The following GUCY2C variants were observed in gnomAD, a reference collection of about 807,000 sequenced individuals.
GUCY2C encodes the protein guanylate cyclase 2C, also known as guanylyl cyclase C.
A neutral mutation model predicts 131.1 loss-of-function variants in GUCY2C; 118 were observed. The observed-to-expected ratio is 0.90, with a 90% CI of 0.78 to 1.05. The LOEUF (loss-of-function observed/expected upper bound fraction) is 1.05. GUCY2C is among the 50% of genes least tolerant of loss of function. GUCY2C has a pLI of 0.00. For synonymous variants in GUCY2C, 452 were observed against 457.8 expected (o/e 0.99, Z 0.16); for missense variants, 1,161 against 1,304.4 (o/e 0.89, Z 1.69).
chr12:14,651,904 T>C, intron 14 of GUCY2C, 55 bp downstream of exon 14: 1 of 934,532 alleles, frequency 1.1e-6, no homozygotes, highest in African/African-American at 1.6e-5. Flanking sequence ...ACCTCAGTGA[T>C]TAGAGGAAAT....
chr12:14,653,602 A>G (rs143550110), intron 12 of GUCY2C, among the ~76,000 whole-genome samples: 2 of 152,364 alleles, frequency 1.3e-5, no homozygotes, highest in African/African-American at 4.8e-5. Context: ...ACGCACACAC[A>G]TAGGCACTCA....
rs1171878728 is a variant in GUCY2C, at chr12:14,616,639, G to A, written c.2964C>T (p.Tyr988=). 1.3e-6 allele frequency: 2 copies of A among 1,560,664 alleles called. No homozygotes were observed. The highest frequency in any genetic ancestry group is 1.4e-5 in the African/African-American group (1 of 73,936). The change falls in exon 25 of 27, where the codon TAC becomes TAT. Residue 988 remains tyrosine (Y), a synonymous_variant. Coordinates refer to ENST00000261170, the MANE Select transcript of GUCY2C (RefSeq NM_004963.4). The part of the protein sequence containing the change: ...QFLYEVRGET[Y]LKGRGNETTY... ...GTCTCTGTGGACTCCTTACCTTTAA[G>A]TATGTTTCTCCTCTCACTTCATAAA...
At chr12:14,684,982 C>A (rs1158409411) in intron 3 of GUCY2C, among the ~76,000 whole-genome samples, 1 of 152,096 alleles carries the variant, frequency 6.6e-6, no homozygotes, top group East Asian at 1.9e-4. Context: ...CTGCCCTCTG[C>A]AGTTTCCTGT....
At position 14,643,771 on chromosome 12, in the gene GUCY2C, A is replaced by G. The variant is rs867729531; in HGVS notation, c.1798-65T>C. The stretch of plus-strand genomic sequence containing the variant: ...CACTTCAGCTGCTTGATTATTTTAA[A>G]GAAAAAAGTGACATTTGGAAACCAT... On this transcript the variant is annotated intron_variant, in intron 16 of 26. Transcript: ENST00000261170. 9.6e-6 allele frequency: 14 copies of G among 1,465,144 alleles called. No individual in the cohort carries two copies. In the Middle Eastern group the frequency reaches 1.6e-3, roughly 166 times the overall value. 90.8% of individuals were successfully genotyped at this position (1,465,144 alleles called of 1,614,324 possible).
chr12:14,669,918 G>T, intron 9 of GUCY2C, 85 bp from the exon 10 acceptor site: 1 of 589,912 alleles, frequency 1.7e-6, no homozygotes, highest in South Asian at 2.5e-5. Flanking sequence ...TCTACACAAT[G>T]ACGCTTGATT....
chr12:14,696,555 A>T lies in GUCY2C; in HGVS notation c.-107T>A, dbSNP rs1261388278. 1.3e-6 allele frequency: 1 copy of T among 774,798 alleles called. No individual in the cohort carries two copies. Among genetic ancestry groups the T allele is most frequent in the African/African-American group, 1.7e-5 (1 of 58,498 alleles). The allele number at this position is 774,798 out of a possible 1,614,324, so 48.0% of individuals were successfully genotyped here. ...TGGACAGCCTCTAGTGGAGTCCCTC[A>T]GCCCACTCTTCCCCACGCTTCTCTC... On this transcript the variant is annotated 5_prime_UTR_variant, in exon 1 of 27. Transcript: ENST00000261170.
At chr12:14,688,587 A>T (rs1237646275) in intron 1 of GUCY2C, among the ~76,000 whole-genome samples, 5 of 152,168 alleles carry the variant, frequency 3.3e-5, no homozygotes, top group Non-Finnish European at 5.9e-5. Flanking sequence ...TCTGATCTTT[A>T]TCTATCCAGT....
chr12:14,645,835 TTTG>T, intron 15 of GUCY2C, among the ~76,000 whole-genome samples: 1 of 151,582 alleles, frequency 6.6e-6, no homozygotes, highest in African/African-American at 2.4e-5. Flanking sequence ...TTTGTTTTTT[TTTG>T]TTTTGTTTTG....
rs3827887 is a variant in GUCY2C at position 14,674,301 on chromosome 12, G to A, written c.1084+324C>T. On this transcript the variant is annotated intron_variant, in intron 8 of 26. Coordinates refer to ENST00000261170, the MANE Select transcript of GUCY2C (RefSeq NM_004963.4). Reference sequence around the variant, plus strand: ...GAAGGACCCAAATCAAACTGCAAATGTTTATCCTCTTGTTAGTCTCCAAGC... The same window carrying A: ...GAAGGACCCAAATCAAACTGCAAATATTTATCCTCTTGTTAGTCTCCAAGC... The A allele has an allele frequency of 0.99, 348,740 of 353,844 alleles. 172,018 individuals carry two copies. The highest frequency in any genetic ancestry group is 1 in the Non-Finnish European group (184,872 of 185,006). The allele number at this position is 353,844 out of a possible 1,614,324, so 21.9% of individuals were successfully genotyped here.
chr12:14,621,205 G>A lies in GUCY2C; in HGVS notation c.2613C>T (p.Ile871=), dbSNP rs1461802160. The A allele has an allele frequency of 1.2e-5, 20 of 1,612,170 alleles. No individual in the cohort carries two copies. Among genetic ancestry groups the A allele is most frequent in the Middle Eastern group, 1.8e-4 (1 of 5,432 alleles). The change falls in exon 23 of 27, where the codon ATC becomes ATT. Residue 871 remains isoleucine, a synonymous_variant. Transcript: ENST00000261170. ...CACTAGCCACCATGTACGCATCACC[G>A]ATGGTTTCCACCTGTGGAAACAGTT... The part of the protein sequence containing the change: ...DHHDVYKVET[I]GDAYMVASGL...
intron 15 of GUCY2C, among the ~76,000 whole-genome samples, chr12:14,648,591 T>A (rs1052974597): frequency 6.6e-6 from 1 of 152,180 alleles, no homozygotes; most frequent in Non-Finnish European, 1.5e-5. Context: ...TCCTCTTTGT[T>A]TTTTTTCCCC....
At chr12:14,679,560 G>T in intron 6 of GUCY2C, 97 bp downstream of exon 6, 1 of 709,596 alleles carries the variant, frequency 1.4e-6, no homozygotes, top group Non-Finnish European at 2.6e-6. Flanking sequence ...CCCATAAGGG[G>T]TTGTACAAAG....
intron 23 of GUCY2C, 120 bp downstream of exon 23, chr12:14,620,922 G>T (rs555473943): frequency 2.7e-5 from 21 of 770,360 alleles, no homozygotes; most frequent in Non-Finnish European, 3.5e-5. Context: ...TTGGCAAAAA[G>T]AATTAAGAGT....
chr12:14,636,232 AC>A (rs1481233875), intron 19 of GUCY2C, among the ~76,000 whole-genome samples: 1 of 152,186 alleles, frequency 6.6e-6, no homozygotes, highest in Non-Finnish European at 1.5e-5. Flanking sequence ...ACTGAATCTA[AC>A]AGTACATCAA....
At chr12:14,633,826 G>C (rs978313093) in intron 19 of GUCY2C, among the ~76,000 whole-genome samples, 2 of 151,942 alleles carry the variant, frequency 1.3e-5, no homozygotes, top group Admixed American at 1.3e-4. Context: ...TTCAGAACTT[G>C]AAGACAGGTC....
Position 14,679,725 on chromosome 12 carries a change from G to C in GUCY2C, c.762C>G (p.Phe254Leu). The change falls in exon 6 of 27, where the codon TTC becomes TTG. Residue 254 changes from phenylalanine (F) to leucine (L), a missense_variant. By Grantham distance (22) the Phe-to-Leu change is conservative (BLOSUM62 0). Coordinates refer to ENST00000261170, the MANE Select transcript of GUCY2C (RefSeq NM_004963.4). The part of the protein sequence containing the change: ...NVIIMCGGPE[F>L]LYKLKGDRAV... Reference sequence around the variant, plus strand: ...CTCGGTCACCCTTCAGCTTGTAGAGGAACTCTGGACCACCACACATAATAA... The same window carrying C: ...CTCGGTCACCCTTCAGCTTGTAGAGCAACTCTGGACCACCACACATAATAA... 1 of 1,591,266 alleles carries C rather than the reference G, an allele frequency of 6.3e-7. No individual in the cohort carries two copies. Among genetic ancestry groups the C allele is most frequent in the Non-Finnish European group, 8.6e-7 (1 of 1,159,284 alleles).
intron 19 of GUCY2C, among the ~76,000 whole-genome samples, chr12:14,632,494 A>G (rs1947166628): frequency 6.6e-6 from 1 of 152,240 alleles, no homozygotes; most frequent in East Asian, 1.9e-4. Context: ...GGACAATTAC[A>G]AAAGCAAATG....
At position 14,655,909 on chromosome 12, in the gene GUCY2C, C is replaced by T. The variant is rs1261279130; in HGVS notation, c.1470+603G>A. 2.6e-5 allele frequency among the ~76,000 whole-genome samples: 4 copies of T among 152,120 alleles called. No homozygotes were observed. The East Asian group carries it at 5.8e-4, about 22-fold the overall frequency. The stretch of plus-strand genomic sequence containing the variant: ...TATTATTACTTATAGTTATCTTACT[C>T]ATTAGTTGTATGTGTCCCTGCACTG... On this transcript the variant is annotated intron_variant, in intron 12 of 26. Transcript: ENST00000261170.
At chr12:14,687,759 A>G (rs1272758484) in intron 2 of GUCY2C, among the ~76,000 whole-genome samples, 192 bp downstream of exon 2, 3 of 152,230 alleles carry the variant, frequency 2.0e-5, no homozygotes, top group Admixed American at 6.5e-5. Flanking sequence ...TTCTGGATTC[A>G]TGGAGGGCCC....
Sources: gnomAD v4.1 joint callset for allele counts (sites outside exome capture counted in the v4.1 genomes callset) on GRCh38, gnomAD v4.1.1 for gene constraint, MANE v1.5 for transcripts, NCBI Gene and HGNC (gene_info 2026-07-23, HGNC 2026-07-21) for gene names.